LARP6: variants seen among roughly 807,000 people sequenced by gnomAD.
LARP6 encodes the protein la-related protein 6.
Under a neutral mutation model 32.8 loss-of-function variants are expected in LARP6, and 18 were observed. That is an observed-to-expected ratio of 0.55 (90% CI 0.38 to 0.81). LARP6 has a LOEUF of 0.81. Ranked by LOEUF, LARP6 falls within the 40% of genes least tolerant of loss-of-function variation. The pLI is 0.00. For missense variants in LARP6, 598 were observed against 663.1 expected, an observed-to-expected ratio of 0.90 and a Z score of 1.08; for synonymous variants, 289 against 267.2, an observed-to-expected ratio of 1.08 and a Z score of -0.80.
chr15:70,846,978 C>T (rs2032359227), intron 1 of LARP6, among the ~76,000 whole-genome samples: 1 of 152,214 alleles, frequency 6.6e-6, no homozygotes, highest in South Asian at 2.1e-4. Flanking sequence ...ATTATAGCTA[C>T]TTGTGTGCAC....
intron 1 of LARP6, chr15:70,851,878 T>G: frequency 8.5e-7 from 1 of 1,170,794 alleles, no homozygotes; most frequent in Non-Finnish European, 1.2e-6. Context: ...AAAGGCTGAC[T>G]AGAAATCAGT....
chr15:70,839,559 A>G (rs2032213346), intron 1 of LARP6, among the ~76,000 whole-genome samples: 2 of 152,160 alleles, frequency 1.3e-5, no homozygotes, highest in Admixed American at 1.3e-4. Context: ...CCAACATCCA[A>G]TAACAAACAC....
Position 70,838,845 on chromosome 15 carries a change from G to A in LARP6, c.201-2340C>T, listed in dbSNP as rs149374906. ...CTTAACAAGGCCTATTACTGTGATC[G>A]CTTAAAGCTGGAAAAGACACATACA... On this transcript the variant is annotated intron_variant, in intron 1 of 2. Transcript: ENST00000299213. 1.3e-3 allele frequency among the ~76,000 whole-genome samples: 189 copies of A among 145,712 alleles called. 5 individuals carry two copies. In the East Asian group the frequency reaches 0.036, roughly 28 times the overall value.
chr15:70,843,649 C>CTTTTTTTTTTTTTTTTTTTTTTTTTTTTT (rs67996815), intron 1 of LARP6, among the ~76,000 whole-genome samples: 1 of 80,590 alleles, frequency 1.2e-5, no homozygotes. Flanking sequence ...GTTTTGGTGT[C>CTTTTTTTTTTTTTTTTTTTTTTTTTTTTT]TTTTTTTTTT....
chr15:70,838,923 A>AAAAAAAT (rs1567021311), intron 1 of LARP6, among the ~76,000 whole-genome samples: 17 of 151,534 alleles, frequency 1.1e-4, no homozygotes, highest in Admixed American at 1.1e-3. Flanking sequence ...AAAAAAAAAA[A>AAAAAAAT]AAAAGAAAAG....
chr15:70,846,476 G>A (rs1042846365), intron 1 of LARP6, among the ~76,000 whole-genome samples: 2 of 152,050 alleles, frequency 1.3e-5, no homozygotes, highest in East Asian at 3.9e-4. Context: ...AGGTATGGCC[G>A]TGCACACCTG....
intron 1 of LARP6, among the ~76,000 whole-genome samples, chr15:70,840,476 G>T (rs1051436913): frequency 1.3e-5 from 2 of 152,142 alleles, no homozygotes; most frequent in African/African-American, 4.8e-5. Flanking sequence ...GCGGGCGGAG[G>T]TTGCAGTGAG....
chr15:70,853,288 T>C (rs2032533629), intron 1 of LARP6: 1 of 127,548 alleles, frequency 7.8e-6, no homozygotes, highest in African/African-American at 3.0e-5. Flanking sequence ...TGTGTGAAAA[T>C]GGGAATCCCC....
intron 1 of LARP6, chr15:70,851,808 G>A: frequency 6.3e-7 from 1 of 1,587,918 alleles, no homozygotes; most frequent in Non-Finnish European, 8.6e-7. Flanking sequence ...GAGAAGAAAG[G>A]AAACACAGCC....
chr15:70,846,364 T>A (rs1320437391), intron 1 of LARP6, among the ~76,000 whole-genome samples: 4 of 152,172 alleles, frequency 2.6e-5, no homozygotes, highest in Non-Finnish European at 5.9e-5. Flanking sequence ...ATCCCAGCAC[T>A]TTGGGAGGCC....
intron 1 of LARP6, among the ~76,000 whole-genome samples, chr15:70,846,701 A>G (rs1348261693): frequency 6.6e-6 from 1 of 152,144 alleles, no homozygotes; most frequent in Non-Finnish European, 1.5e-5. Context: ...AGACTCATTT[A>G]GAATCTGGCT....
intron 1 of LARP6, among the ~76,000 whole-genome samples, chr15:70,839,984 A>T (rs1355812085): frequency 6.6e-6 from 1 of 152,212 alleles, no homozygotes; most frequent in Non-Finnish European, 1.5e-5. Context: ...CAGCTCTTAT[A>T]ACTATCTACC....
intron 1 of LARP6, among the ~76,000 whole-genome samples, chr15:70,845,521 A>G (rs916693769): frequency 6.6e-6 from 1 of 152,182 alleles, no homozygotes; most frequent in African/African-American, 2.4e-5. Context: ...AACATGAATG[A>G]TCACTGTGGA....
chr15:70,843,814 C>T (rs1395689732), intron 1 of LARP6, among the ~76,000 whole-genome samples: 3 of 151,432 alleles, frequency 2.0e-5, no homozygotes, highest in Non-Finnish European at 4.4e-5. Flanking sequence ...CGCTGCCACG[C>T]CCGGCTAATT....
At chr15:70,837,394 AAT>A (rs2032167045) in intron 1 of LARP6, among the ~76,000 whole-genome samples, 2 of 152,016 alleles carry the variant, frequency 1.3e-5, no homozygotes, top group African/African-American at 4.8e-5. Context: ...AAATAATAAT[AAT>A]AATAATTATT....
chr15:70,852,085 G>T (rs1044182918), intron 1 of LARP6: 3 of 350,782 alleles, frequency 8.6e-6, no homozygotes, highest in African/African-American at 2.1e-5. Context: ...TCTCCTGTAG[G>T]CTCCAGGAGC....
chr15:70,846,062 C>T (rs1433819440), intron 1 of LARP6, among the ~76,000 whole-genome samples: 1 of 152,126 alleles, frequency 6.6e-6, no homozygotes, highest in African/African-American at 2.4e-5. Flanking sequence ...TTTAAATTAC[C>T]TTTCAGATAT....
intron 2 of LARP6, among the ~76,000 whole-genome samples, chr15:70,833,715 G>A (rs1410992905): frequency 6.6e-6 from 1 of 152,192 alleles, no homozygotes; most frequent in Non-Finnish European, 1.5e-5. Flanking sequence ...ATAGGATTTG[G>A]AGATTTTAAC....
intron 1 of LARP6, among the ~76,000 whole-genome samples, chr15:70,846,655 A>ACATACATACATAAT (rs1567023102): frequency 1.1e-5 from 1 of 89,212 alleles, no homozygotes; most frequent in African/African-American, 3.4e-5. Context: ...CATACATAAT[A>ACATACATACATAAT]AAAAAAAAAC....
Sources: gnomAD v4.1 joint callset for allele counts (sites outside exome capture counted in the v4.1 genomes callset) on GRCh38, gnomAD v4.1.1 for gene constraint, MANE v1.5 for transcripts, NCBI Gene and HGNC (gene_info 2026-07-23, HGNC 2026-07-21) for gene names.